RARB: variants seen among roughly 807,000 people sequenced by gnomAD.
RARB encodes HBV-activated protein.
A neutral mutation model predicts 51.9 loss-of-function variants in RARB; 17 were observed. That is an observed-to-expected ratio of 0.33 (90% CI 0.22 to 0.49). The LOEUF is 0.49. RARB is among the 20% of genes least tolerant of loss of function. The pLI, the probability that RARB is intolerant of heterozygous loss-of-function variation, is 0.99. For synonymous variants in RARB, 215 were observed against 195.4 expected (o/e 1.10, Z -0.84); for missense variants, 369 against 550.8 (o/e 0.67, Z 3.30).
chr3:25,249,192 C>G (rs777086388), intron 5 of RARB, among the ~76,000 whole-genome samples: 1 of 151,844 alleles, frequency 6.6e-6, no homozygotes, highest in Admixed American at 6.6e-5. Context: ...TTCCGAAATT[C>G]TTTTTTCTCC....
At chr3:24,940,690 A>C (rs1185929930) in intron 2 of RARB, among the ~76,000 whole-genome samples, 1 of 152,098 alleles carries the variant, frequency 6.6e-6, no homozygotes, top group African/African-American at 2.4e-5. Flanking sequence ...GCACATGCGG[A>C]GGGAAAGGCA....
intron 2 of RARB, among the ~76,000 whole-genome samples, chr3:25,495,423 T>C (rs1312787643): frequency 6.6e-6 from 1 of 152,238 alleles, no homozygotes; most frequent in African/African-American, 2.4e-5. Flanking sequence ...GACAGTTATC[T>C]TGCCTTTTGA....
chr3:25,163,501 C>CAAAAAAAAAAAA (rs1385452358), intron 4 of RARB, among the ~76,000 whole-genome samples: 34 of 78,682 alleles, frequency 4.3e-4, no homozygotes, highest in African/African-American at 1.9e-3. Context: ...GACCCTATCT[C>CAAAAAAAAAAAA]AAAATATATA....
At chr3:25,436,163 G>T (rs1165256719) in intron 1 of RARB, among the ~76,000 whole-genome samples, 2 of 152,184 alleles carry the variant, frequency 1.3e-5, no homozygotes, top group Non-Finnish European at 2.9e-5. Flanking sequence ...CTTGCTGCCT[G>T]TTTTGAGGAT....
intron 3 of RARB, among the ~76,000 whole-genome samples, chr3:25,066,296 A>G (rs750432257): frequency 1.1e-4 from 16 of 152,206 alleles, no homozygotes; most frequent in East Asian, 1.9e-4. Flanking sequence ...TAGGATGTCA[A>G]TGTCTGGTAC....
chr3:25,105,422 CAAAA>C lies in RARB; in HGVS notation c.-327-26724_-327-26721del, dbSNP rs755388268. 9.3e-3 allele frequency among the ~76,000 whole-genome samples: 483 copies of C among 52,078 alleles called. 2 individuals are homozygous for C. Among genetic ancestry groups the C allele is most frequent in the Middle Eastern group, 0.014 (1 of 70 alleles). 34.2% of individuals were successfully genotyped at this position (52,078 alleles called of 152,430 possible). On this transcript the variant is annotated intron_variant, in intron 3 of 11. Transcript: ENST00000383772. ...GACAGCTGTTTAGTGTATACATGTG[CAAAA>C]AAAAAAAAAAAAAAGAAGATTTGTG...
intron 1 of RARB, among the ~76,000 whole-genome samples, chr3:24,829,509 G>T (rs972088459): frequency 6.6e-6 from 1 of 152,196 alleles, no homozygotes; most frequent in Non-Finnish European, 1.5e-5. Flanking sequence ...CAGGGCATTT[G>T]CATGGCATCC....
At chr3:24,840,760 A>AAAAAAAAAAC (rs1702411398) in intron 1 of RARB, among the ~76,000 whole-genome samples, 1 of 151,680 alleles carries the variant, frequency 6.6e-6, no homozygotes, top group Non-Finnish European at 1.5e-5. Context: ...AAAAAAAAAA[A>AAAAAAAAAAC]AAAAAAATGC....
intron 5 of RARB, among the ~76,000 whole-genome samples, chr3:25,399,947 G>A (rs1707219583): frequency 6.6e-6 from 1 of 152,108 alleles, no homozygotes; most frequent in Non-Finnish European, 1.5e-5. Flanking sequence ...GTCACTCTAT[G>A]TCTCTATTTC....
At chr3:25,146,579 C>G (rs1332895558) in intron 4 of RARB, among the ~76,000 whole-genome samples, 2 of 147,430 alleles carry the variant, frequency 1.4e-5, no homozygotes, top group African/African-American at 5.0e-5. Context: ...GCGATCTCGG[C>G]TCACTGCAAG....
chr3:25,013,808 A>G (rs910228886), intron 2 of RARB, among the ~76,000 whole-genome samples: 1 of 152,100 alleles, frequency 6.6e-6, no homozygotes, highest in African/African-American at 2.4e-5. Flanking sequence ...TCTTCTCTCT[A>G]TACTAACAGA....
chr3:25,225,676 C>T (rs77243731), intron 5 of RARB, among the ~76,000 whole-genome samples: 4,578 of 152,128 alleles, frequency 0.03, 92 homozygotes, highest in Middle Eastern at 0.044. Context: ...ATTTTACATG[C>T]AATATGACAA....
chr3:25,481,396 T>G (rs1360512217), intron 2 of RARB, among the ~76,000 whole-genome samples: 2 of 152,196 alleles, frequency 1.3e-5, no homozygotes, highest in African/African-American at 2.4e-5. Context: ...AAGAATTATG[T>G]TTTTTGAATT....
intron 3 of RARB, among the ~76,000 whole-genome samples, chr3:25,078,055 C>G (rs534600271): frequency 1.8e-4 from 28 of 151,914 alleles, no homozygotes; most frequent in Non-Finnish European, 3.4e-4. Context: ...TTTATACATT[C>G]TAGATATAAA....
At chr3:25,344,043 C>T (rs1209025253) in intron 5 of RARB, among the ~76,000 whole-genome samples, 1 of 152,146 alleles carries the variant, frequency 6.6e-6, no homozygotes, top group Non-Finnish European at 1.5e-5. Flanking sequence ...TTTATGTCGG[C>T]AGAAGTGTTA....
chr3:24,969,009 T>A (rs1696336682), intron 2 of RARB, among the ~76,000 whole-genome samples: 1 of 152,076 alleles, frequency 6.6e-6, no homozygotes, highest in Non-Finnish European at 1.5e-5. Context: ...AGAGTAAGAC[T>A]TTCTACAATC....
intron 2 of RARB, among the ~76,000 whole-genome samples, chr3:24,931,177 G>A (rs764721728): frequency 6.6e-6 from 1 of 151,908 alleles, no homozygotes; most frequent in African/African-American, 2.4e-5. Flanking sequence ...TGTATTCTAG[G>A]GAGAGCCATT....
intron 5 of RARB, among the ~76,000 whole-genome samples, chr3:25,225,392 G>C (rs1702035162): frequency 6.6e-6 from 1 of 152,102 alleles, no homozygotes; most frequent in Non-Finnish European, 1.5e-5. Flanking sequence ...TAATATCTGA[G>C]TATCTTCTCT....
chr3:25,396,170 C>T (rs1026292502), intron 5 of RARB, among the ~76,000 whole-genome samples: 8 of 152,166 alleles, frequency 5.3e-5, no homozygotes, highest in African/African-American at 1.4e-4. Context: ...GGGCTCCAGG[C>T]TTATAATGGG....
Sources: gnomAD v4.1 joint callset for allele counts (sites outside exome capture counted in the v4.1 genomes callset) on GRCh38, gnomAD v4.1.1 for gene constraint, MANE v1.5 for transcripts, NCBI Gene and HGNC (gene_info 2026-07-23, HGNC 2026-07-21) for gene names.